CD74: variants seen among roughly 807,000 people sequenced by gnomAD.
CD74 encodes the protein HLA class II histocompatibility antigen gamma chain.
In CD74, 20 loss-of-function variants were observed where a neutral mutation model predicts 37.1. That is an observed-to-expected ratio of 0.54 (90% CI 0.38 to 0.78). The LOEUF is 0.78. CD74 is among the 30% of genes least tolerant of loss of function. The pLI, the probability that CD74 is intolerant of heterozygous loss-of-function variation, is 0.00. For missense variants in CD74, 338 were observed against 389.5 expected (o/e 0.87, Z 1.11); for synonymous variants, 150 against 152.0 (o/e 0.99, Z 0.10).
chr5:150,402,631 A>G lies in CD74; in HGVS notation c.818-6T>C, dbSNP rs1370774442. On this transcript the variant is annotated splice_polypyrimidine_tract_variant and splice_region_variant and intron_variant, in intron 7 of 8. Transcript: ENST00000009530. The surrounding 1 kb of genome is among the most constrained non-coding windows in gnomAD (Gnocchi z 4.2). ...GTCCTCCAGTTCCAGTGACTCTGCAAAGGAGCAGCAAGTCCGTTTGTCACT... is the reference window on the plus strand; with the variant it reads ...GTCCTCCAGTTCCAGTGACTCTGCAGAGGAGCAGCAAGTCCGTTTGTCACT... 1.2e-6 allele frequency: 2 copies of G among 1,603,402 alleles called. No individual in the cohort carries two copies. Among genetic ancestry groups the G allele is most frequent in the Non-Finnish European group, 1.7e-6 (2 of 1,174,220 alleles).
At chr5:150,412,549 C>T (rs1581261976) in intron 1 of CD74, 76 bp downstream of exon 1, 11 of 1,095,638 alleles carry the variant, frequency 1.0e-5, no homozygotes, top group Admixed American at 1.8e-5. Context: ...GACTCCTGGC[C>T]GGTGCTTCTT....
chr5:150,404,537 A>G (rs2151176106), intron 6 of CD74, 143 bp downstream of exon 6: 2 of 599,988 alleles, frequency 3.3e-6, no homozygotes, highest in Non-Finnish European at 3.0e-6. Flanking sequence ...GAGAGAGAGA[A>G]GTGAGAAAGA....
intron 1 of CD74, among the ~76,000 whole-genome samples, chr5:150,409,477 A>T (rs1770201388): frequency 6.6e-6 from 1 of 151,776 alleles, no homozygotes; most frequent in African/African-American, 2.4e-5. Context: ...CAGTGAGCTG[A>T]GATCATGCCA....
Position 150,403,390 on chromosome 5 carries a change from A to AC in CD74, c.626-79dup. Reference sequence around the variant, plus strand: ...GGTCTGAGCAGAGCTAAAGACCCACACACCACTGCTGTGGGCTTAATGCCT... The same window carrying AC: ...GGTCTGAGCAGAGCTAAAGACCCACACCACCACTGCTGTGGGCTTAATGCCT... On this transcript the variant is annotated intron_variant, in intron 6 of 8. Transcript: ENST00000009530. The surrounding 1 kb of genome is among the most constrained non-coding windows in gnomAD (Gnocchi z 4.5). The AC allele has an allele frequency of 7.8e-7, 1 of 1,275,730 alleles. No individual in the cohort carries two copies. Among genetic ancestry groups the AC allele is most frequent in the Non-Finnish European group, 1.1e-6 (1 of 877,524 alleles). 79.0% of individuals were successfully genotyped at this position (1,275,730 alleles called of 1,614,324 possible).
chr5:150,410,363 G>A (rs1011445628), intron 1 of CD74, among the ~76,000 whole-genome samples: 2 of 152,152 alleles, frequency 1.3e-5, no homozygotes, highest in Non-Finnish European at 2.9e-5. Flanking sequence ...CCTGGCTCTG[G>A]AGTCGGTTAG....
chr5:150,412,593 T>G, intron 1 of CD74, 32 bp downstream of exon 1: 1 of 1,503,966 alleles, frequency 6.6e-7, no homozygotes, highest in East Asian at 2.3e-5. Flanking sequence ...CAGTCCAGGA[T>G]CGGTGTGCCC....
intron 5 of CD74, 87 bp downstream of exon 5, chr5:150,404,997 TC>T: frequency 8.0e-7 from 1 of 1,252,028 alleles, no homozygotes; most frequent in Non-Finnish European, 1.2e-6. Flanking sequence ...GAGAATGGCT[TC>T]CCCAGCCCAC....
Position 150,403,395 on chromosome 5 carries a change from A to G in CD74, c.626-83T>C, listed in dbSNP as rs1769760659. On this transcript the variant is annotated intron_variant, in intron 6 of 8. Coordinates refer to ENST00000009530, the MANE Select transcript of CD74 (RefSeq NM_001025159.3). This position sits in a 1 kb window ranked among gnomAD's most constrained non-coding sequence, Gnocchi z 4.5. The stretch of plus-strand genomic sequence containing the variant: ...GAGCAGAGCTAAAGACCCACACACC[A>G]CTGCTGTGGGCTTAATGCCTTCTTC... 5.8e-6 allele frequency: 7 copies of G among 1,210,792 alleles called. No individual in the cohort carries two copies. In the South Asian group the frequency reaches 6.2e-5, roughly 11 times the overall value. The allele number at this position is 1,210,792 out of a possible 1,614,324, so 75.0% of individuals were successfully genotyped here.
chr5:150,406,728 G>A (rs1769983524), intron 3 of CD74, 153 bp downstream of exon 3: 2 of 597,126 alleles, frequency 3.3e-6, no homozygotes, highest in Non-Finnish European at 6.0e-6. Context: ...CCACACCTGG[G>A]GAGCCCGATT....
Position 150,407,760 on chromosome 5 carries a change from G to GTTTTA in CD74, c.126-437_126-436insTAAAA, listed in dbSNP as rs780355269. ...TTTGGTTTTTGTTTTGTTTTGTTTT[G>GTTTTA]TTTTGTTTTTTGAGACGGAGTCTTG... On this transcript the variant is annotated intron_variant, in intron 1 of 8. Coordinates refer to ENST00000009530, the MANE Select transcript of CD74 (RefSeq NM_001025159.3). This position sits in a 1 kb window ranked among gnomAD's most constrained non-coding sequence, Gnocchi z 4.4. 6.6e-6 allele frequency among the ~76,000 whole-genome samples: 1 copy of GTTTTA among 151,988 alleles called. No individual in the cohort carries two copies. The highest frequency in any genetic ancestry group is 2.4e-5 in the African/African-American group (1 of 41,406).
At chr5:150,412,238 T>A (rs1770384425) in intron 1 of CD74, among the ~76,000 whole-genome samples, 1 of 152,364 alleles carries the variant, frequency 6.6e-6, no homozygotes, top group South Asian at 2.1e-4. Flanking sequence ...GTGCTGGGAT[T>A]ACAGGCGGGA....
In CD74 at chr5:150,402,167, T is replaced by TG; in HGVS notation, c.*72dup. On this transcript the variant is annotated 3_prime_UTR_variant, in exon 9 of 9. Transcript: ENST00000009530. The surrounding 1 kb of genome is among the most constrained non-coding windows in gnomAD (Gnocchi z 4.2). ...ACAGGGTGGGAGATGGGGGAGGGGC[T>TG]GGGGGCTGAAGGGAGCAAGAAAGCT... 2.6e-6 allele frequency: 4 copies of TG among 1,563,578 alleles called. No homozygotes were observed. The highest frequency in any genetic ancestry group is 2.3e-5 in the East Asian group (1 of 42,762).
intron 1 of CD74, among the ~76,000 whole-genome samples, chr5:150,410,917 T>G (rs1770307043): frequency 6.6e-6 from 1 of 152,196 alleles, no homozygotes; most frequent in Non-Finnish European, 1.5e-5. Context: ...TGTAAATCAC[T>G]GAGTGGTCTG....
chr5:150,407,312 GC>G lies in CD74; in HGVS notation c.137del (p.Arg46ProfsTer12), dbSNP rs1770031158. ...RPGAPESKCS[R>X]GALYTGFSIL... ...TGGAAAAGCCTGTGTACAGGGCTCC[GC>G]GGCTGCACTTGCTGTGGGAGGTGGG... is the stretch of plus-strand genomic sequence containing the variant. On this transcript the variant is annotated frameshift_variant, in exon 2 of 9. Coordinates refer to ENST00000009530, the MANE Select transcript of CD74 (RefSeq NM_001025159.3). LOFTEE classifies it high-confidence loss of function. The surrounding 1 kb of genome is among the most constrained non-coding windows in gnomAD (Gnocchi z 4.4). The G allele has an allele frequency of 6.2e-7, 1 of 1,608,212 alleles. No homozygotes were observed. The highest frequency in any genetic ancestry group is 8.5e-7 in the Non-Finnish European group (1 of 1,177,718).
intron 4 of CD74, 87 bp from the exon 5 acceptor site, chr5:150,405,267 TCCA>T: frequency 6.7e-7 from 1 of 1,495,748 alleles, no homozygotes. Context: ...CCCTTGGTCT[TCCA>T]TTCTGAGGAA....
At position 150,404,886 on chromosome 5, in the gene CD74, C is replaced by T. The variant is rs116230659; in HGVS notation, c.538-119G>A. On this transcript the variant is annotated intron_variant, in intron 5 of 8. Transcript: ENST00000009530. ...CAAATAGGGCCCCAACACCCGGGTC[C>T]AGCTGCAGCCTGGTTCCCTCTTAAA... 1,568 of 828,802 alleles carry T rather than the reference C, an allele frequency of 1.9e-3. 20 individuals are homozygous for T. The African/African-American group carries it at 0.024, about 13-fold the overall frequency. 51.3% of individuals were successfully genotyped at this position (828,802 alleles called of 1,614,324 possible).
Position 150,407,428 on chromosome 5 carries a change from C to A in CD74, c.126-104G>T, listed in dbSNP as rs771469724. 1.3e-5 allele frequency: 11 copies of A among 834,770 alleles called. No homozygotes were observed. The African/African-American group carries it at 1.7e-4, about 13-fold the overall frequency. 51.7% of individuals were successfully genotyped at this position (834,770 alleles called of 1,614,324 possible). A position where few individuals can be genotyped will look rare whatever the true frequency, so the allele number is the denominator to read the frequency against. On this transcript the variant is annotated intron_variant, in intron 1 of 8. Transcript: ENST00000009530. This position sits in a 1 kb window ranked among gnomAD's most constrained non-coding sequence, Gnocchi z 4.4. ...TGTATACCCCCATCTCCATTAGACC[C>A]CTAAGCCACCCCTAATAAACAATGC...
Position 150,405,505 on chromosome 5 carries a change from G to C in CD74, c.442-325C>G, listed in dbSNP as rs1038540746. 8 of 1,000,468 alleles carry C rather than the reference G, an allele frequency of 8.0e-6. No individual in the cohort carries two copies. The South Asian group carries it at 3.3e-4, about 41-fold the overall frequency. The allele number at this position is 1,000,468 out of a possible 1,614,324, so 62.0% of individuals were successfully genotyped here. ...CTCCAGCAGGTGAGGACCCAACCTT[G>C]ACTGCCCCCAGCTAGGTTGAGTCCT... On this transcript the variant is annotated intron_variant, in intron 4 of 8. Coordinates refer to ENST00000009530, the MANE Select transcript of CD74 (RefSeq NM_001025159.3).
chr5:150,407,336 G>C lies in CD74; in HGVS notation c.126-12C>G. On this transcript the variant is annotated splice_polypyrimidine_tract_variant and intron_variant, in intron 1 of 8. Coordinates refer to ENST00000009530, the MANE Select transcript of CD74 (RefSeq NM_001025159.3). This position sits in a 1 kb window ranked among gnomAD's most constrained non-coding sequence, Gnocchi z 4.4. ...CGCGGCTGCACTTGCTGTGGGAGGT[G>C]GGGAGGATAGGTCAGAGGAGGATCC... 1 of 1,598,348 alleles carries C rather than the reference G, an allele frequency of 6.3e-7. No homozygotes were observed. The highest frequency in any genetic ancestry group is 8.5e-7 in the Non-Finnish European group (1 of 1,173,412).
Sources: gnomAD v4.1 joint callset for allele counts (sites outside exome capture counted in the v4.1 genomes callset) on GRCh38, gnomAD v4.1.1 for gene constraint, Gnocchi (gnomAD v3.1) non-coding constraint, MANE v1.5 for transcripts, NCBI Gene and HGNC (gene_info 2026-07-23, HGNC 2026-07-21) for gene names.